The following EXOC6B variants were observed in gnomAD, a reference collection of about 807,000 sequenced individuals.
The protein encoded by EXOC6B is SEC15 homolog B.
EXOC6B carries 54 observed loss-of-function variants against 113.5 expected under a neutral mutation model. That is an observed-to-expected ratio of 0.48 (90% CI 0.38 to 0.60). EXOC6B has a LOEUF of 0.60. EXOC6B is among the 20% of genes least tolerant of loss of function. EXOC6B has a pLI of 0.00. For synonymous variants in EXOC6B, 357 were observed against 339.0 expected (o/e 1.05, Z -0.58); for missense variants, 797 against 977.5 (o/e 0.82, Z 2.46).
intron 18 of EXOC6B, among the ~76,000 whole-genome samples, chr2:72,383,236 A>G (rs977204819): frequency 6.6e-6 from 1 of 152,162 alleles, no homozygotes; most frequent in Non-Finnish European, 1.5e-5. Flanking sequence ...GTATTTACAG[A>G]CTATGCATCT....
intron 6 of EXOC6B, among the ~76,000 whole-genome samples, chr2:72,680,163 G>A (rs1676599362): frequency 1.3e-5 from 2 of 152,130 alleles, no homozygotes; most frequent in Non-Finnish European, 2.9e-5. Context: ...ATATGGACTT[G>A]TTTGTGCTAT....
At chr2:72,186,874 C>T (rs1312179241) in intron 20 of EXOC6B, among the ~76,000 whole-genome samples, 1 of 152,150 alleles carries the variant, frequency 6.6e-6, no homozygotes. Context: ...TGGGGTGTCG[C>T]TTTTCTGGCC....
chr2:72,292,224 C>G (rs1216384175), intron 20 of EXOC6B, among the ~76,000 whole-genome samples: 1 of 141,818 alleles, frequency 7.1e-6, no homozygotes, highest in Non-Finnish European at 1.5e-5. Flanking sequence ...CCTTATAAAT[C>G]CCATTAAGTG....
At chr2:72,403,008 A>G (rs1426437730) in intron 18 of EXOC6B, among the ~76,000 whole-genome samples, 1 of 152,202 alleles carries the variant, frequency 6.6e-6, no homozygotes, top group Non-Finnish European at 1.5e-5. Flanking sequence ...CAAAAACAAC[A>G]AAACACAAGT....
chr2:72,784,252 A>G (rs763785778), intron 1 of EXOC6B, among the ~76,000 whole-genome samples: 2 of 152,184 alleles, frequency 1.3e-5, no homozygotes, highest in African/African-American at 2.4e-5. Context: ...ATTGCCTAGT[A>G]ATATATTTTA....
At chr2:72,512,443 GGAAGGAAA>G in intron 11 of EXOC6B, among the ~76,000 whole-genome samples, 2 of 149,024 alleles carry the variant, frequency 1.3e-5, no homozygotes, top group South Asian at 2.1e-4. Context: ...AAGGAAGGAA[GGAAGGAAA>G]GAAGGAAGGG....
At chr2:72,562,713 T>C (rs527242925) in intron 7 of EXOC6B, among the ~76,000 whole-genome samples, 3 of 152,262 alleles carry the variant, frequency 2.0e-5, no homozygotes, top group African/African-American at 7.2e-5. Context: ...TGGTAGGACG[T>C]TGTCATTTCC....
chr2:72,579,069 T>C (rs1705045022), intron 6 of EXOC6B, among the ~76,000 whole-genome samples: 1 of 152,050 alleles, frequency 6.6e-6, no homozygotes, highest in Non-Finnish European at 1.5e-5. Context: ...TATACATCAC[T>C]AAAACAGTCC....
chr2:72,644,178 A>G (rs1179107123), intron 6 of EXOC6B, among the ~76,000 whole-genome samples: 2 of 152,210 alleles, frequency 1.3e-5, no homozygotes, highest in African/African-American at 4.8e-5. Context: ...AATTCAATCA[A>G]GTGGAAGAAA....
intron 20 of EXOC6B, among the ~76,000 whole-genome samples, chr2:72,201,197 T>C (rs1230643924): frequency 1.3e-5 from 2 of 152,168 alleles, no homozygotes; most frequent in East Asian, 1.9e-4. Context: ...GATCCATCCA[T>C]GTTGATCCAT....
intron 8 of EXOC6B, among the ~76,000 whole-genome samples, 162 bp downstream of exon 8, chr2:72,559,291 C>T (rs1045556436): frequency 6.6e-6 from 1 of 152,158 alleles, no homozygotes; most frequent in Non-Finnish European, 1.5e-5. Context: ...TACATAAAAA[C>T]ATGAGATTCA....
intron 20 of EXOC6B, among the ~76,000 whole-genome samples, chr2:72,275,823 C>T (rs1684777569): frequency 6.6e-6 from 1 of 152,162 alleles, no homozygotes; most frequent in Non-Finnish European, 1.5e-5. Flanking sequence ...CGACTACATG[C>T]TTGTTTCAAC....
chr2:72,719,546 T>C (rs1573684219), intron 5 of EXOC6B, among the ~76,000 whole-genome samples: 2 of 152,154 alleles, frequency 1.3e-5, no homozygotes, highest in East Asian at 3.9e-4. Context: ...GTGGGAAACC[T>C]AAGAAGGTAG....
Position 72,809,875 on chromosome 2 carries a change from A to G in EXOC6B, c.113+15923T>C, listed in dbSNP as rs527405663. On this transcript the variant is annotated intron_variant, in intron 1 of 21. Coordinates refer to ENST00000272427, the MANE Select transcript of EXOC6B (RefSeq NM_015189.3). ...TAGACAGAAAATCATAAATCAACAG[A>G]TAACACCATTAACCAATGAGATTTA... Among the ~76,000 whole-genome samples the G allele has an allele frequency of 5.4e-3, 824 of 152,314 alleles. 12 individuals are homozygous for G. The highest frequency in any genetic ancestry group is 0.017 in the African/African-American group (691 of 41,578).
chr2:72,722,686 G>T (rs1180752506), intron 5 of EXOC6B, among the ~76,000 whole-genome samples: 2 of 152,100 alleles, frequency 1.3e-5, no homozygotes, highest in Non-Finnish European at 2.9e-5. Flanking sequence ...ACTACAATTA[G>T]GTATGAAGAG....
At chr2:72,196,325 G>T (rs1475750840) in intron 20 of EXOC6B, among the ~76,000 whole-genome samples, 1 of 152,002 alleles carries the variant, frequency 6.6e-6, no homozygotes, top group African/African-American at 2.4e-5. Context: ...CTAACATTAA[G>T]GGATCGTAAA....
intron 6 of EXOC6B, among the ~76,000 whole-genome samples, chr2:72,627,437 T>A (rs1672126738): frequency 6.6e-6 from 1 of 152,222 alleles, no homozygotes; most frequent in Non-Finnish European, 1.5e-5. Flanking sequence ...CAAACTATGC[T>A]GCACAGATTC....
At chr2:72,739,280 G>C (rs900801375) in intron 2 of EXOC6B, among the ~76,000 whole-genome samples, 1 of 152,062 alleles carries the variant, frequency 6.6e-6, no homozygotes, top group African/African-American at 2.4e-5. Context: ...TTTAAGTATT[G>C]ACACCTTATT....
At chr2:72,627,314 T>C (rs1353833333) in intron 6 of EXOC6B, among the ~76,000 whole-genome samples, 2 of 152,154 alleles carry the variant, frequency 1.3e-5, no homozygotes, top group Admixed American at 1.3e-4. Context: ...CAAATGTACA[T>C]ATTAAAAACA....
Sources: allele counts gnomAD v4.1 joint callset (sites outside exome capture counted in the v4.1 genomes callset), GRCh38; gene constraint gnomAD v4.1.1; transcripts MANE v1.5; gene names NCBI Gene and HGNC (gene_info 2026-07-23, HGNC 2026-07-21).